AK6: variants seen among roughly 807,000 people sequenced by gnomAD.
AK6 encodes adenylate kinase 6, also known as adenylate kinase isoenzyme 6.
In AK6, 24 loss-of-function variants were observed where a neutral mutation model predicts 23.7. The observed-to-expected ratio is 1.01, with a 90% CI of 0.73 to 1.43. The LOEUF is 1.43. Among genes scored for constraint, AK6 ranks in the 40% most tolerant of loss-of-function variants. The pLI is 0.00. For synonymous variants in AK6, 73 were observed against 69.8 expected (o/e 1.05, Z -0.23); for missense variants, 191 against 199.1 (o/e 0.96, Z 0.24).
At chr5:69,360,199 T>G (rs56362385) in intron 2 of AK6, among the ~76,000 whole-genome samples, 1 of 152,128 alleles carries the variant, frequency 6.6e-6, no homozygotes, top group Non-Finnish European at 1.5e-5. Flanking sequence ...AATGATAGTG[T>G]AGAAGAGGGA....
In AK6 at chr5:69,366,698, G is replaced by C. The variant is rs374274204; in HGVS notation, c.29-103C>G. The C allele has an allele frequency of 1.6e-5, 13 of 820,274 alleles. No homozygotes were observed. In the East Asian group the frequency reaches 3.2e-4, roughly 20 times the overall value. 50.8% of individuals were successfully genotyped at this position (820,274 alleles called of 1,614,324 possible). On this transcript the variant is annotated intron_variant, in intron 1 of 4. Transcript: ENST00000380822. Reference sequence around the variant, plus strand: ...TTATTTTTGAGACAGAGTCTCACCTGGCCTCTGCCCTTAAAAGTTCTTGAC... The same window carrying C: ...TTATTTTTGAGACAGAGTCTCACCTCGCCTCTGCCCTTAAAAGTTCTTGAC...
At chr5:69,367,371 G>A (rs576218244) in intron 1 of AK6, among the ~76,000 whole-genome samples, 1 of 151,630 alleles carries the variant, frequency 6.6e-6, no homozygotes, top group African/African-American at 2.4e-5. Context: ...TTAGCCGGGC[G>A]TGGTGGCGCG....
intron 4 of AK6, among the ~76,000 whole-genome samples, chr5:69,353,370 T>G (rs980890966): frequency 1.2e-4 from 18 of 152,000 alleles, no homozygotes; most frequent in Non-Finnish European, 2.5e-4. Flanking sequence ...TGATCTCGGC[T>G]CACTGCAACC....
chr5:69,367,667 C>T (rs1762515836), intron 1 of AK6, among the ~76,000 whole-genome samples: 1 of 152,094 alleles, frequency 6.6e-6, no homozygotes, highest in Non-Finnish European at 1.5e-5. Context: ...ATCCTCCCAT[C>T]TCAGCCTGTC....
At chr5:69,359,832 G>A (rs1450780115) in intron 2 of AK6, among the ~76,000 whole-genome samples, 2 of 152,166 alleles carry the variant, frequency 1.3e-5, no homozygotes, top group East Asian at 3.8e-4. Flanking sequence ...GAAATTAACT[G>A]GTTTAGAGTG....
In AK6 at chr5:69,352,016, CAG is replaced by C. The variant is rs1218336627; in HGVS notation, c.*43_*44del. ...ACTTGAACAATTTCTATGATGTCGG[CAG>C]AGATATCAACAAGAGTGATTATTAA... On this transcript the variant is annotated 3_prime_UTR_variant, in exon 5 of 5. Coordinates refer to ENST00000380822, the MANE Select transcript of AK6 (RefSeq NM_016283.5). The C allele has an allele frequency of 6.7e-7, 1 of 1,499,778 alleles. No homozygotes were observed. The highest frequency in any genetic ancestry group is 1.2e-5 in the South Asian group (1 of 80,612). 92.9% of individuals were successfully genotyped at this position (1,499,778 alleles called of 1,614,324 possible).
In AK6 at chr5:69,352,004, C is replaced by A; in HGVS notation, c.*57G>T. ...AGTGTTACTGACACTTGAACAATTT[C>A]TATGATGTCGGCAGAGATATCAACA... On this transcript the variant is annotated 3_prime_UTR_variant, in exon 5 of 5. Transcript: ENST00000380822. 2 of 1,455,534 alleles carry A rather than the reference C, an allele frequency of 1.4e-6. No individual in the cohort carries two copies. The highest frequency in any genetic ancestry group is 1.4e-5 in the African/African-American group (1 of 71,050). 90.2% of individuals were successfully genotyped at this position (1,455,534 alleles called of 1,614,324 possible).
chr5:69,369,433 G>A (rs1762751762), intron 1 of AK6, 30 bp downstream of exon 1: 2 of 1,608,802 alleles, frequency 1.2e-6, no homozygotes, highest in African/African-American at 1.3e-5. Context: ...GCCTGCCCCA[G>A]CCCAGTCCCT....
intron 2 of AK6, chr5:69,365,742 T>C (rs747145817): frequency 1.2e-5 from 18 of 1,529,116 alleles, no homozygotes; most frequent in Non-Finnish European, 1.5e-5. Flanking sequence ...CTCCATGATA[T>C]CCGATGATCA....
chr5:69,361,437 AAT>A (rs1275602106), intron 2 of AK6, among the ~76,000 whole-genome samples: 1 of 150,530 alleles, frequency 6.6e-6, no homozygotes, highest in Non-Finnish European at 1.5e-5. Flanking sequence ...AAGACTCTTT[AAT>A]AGTTTTCTTT....
Position 69,351,912 on chromosome 5 carries a change from GA to G in AK6, c.*148del. 1 of 477,010 alleles carries G rather than the reference GA, an allele frequency of 2.1e-6. No individual in the cohort carries two copies. The highest frequency in any genetic ancestry group is 3.5e-6 in the Non-Finnish European group (1 of 287,894). 29.5% of individuals were successfully genotyped at this position (477,010 alleles called of 1,614,324 possible). ...ATTTCATGTTTAGCTTTCTCATGGA[GA>G]AAAAGAAACACAGGCATAAACCTAT... On this transcript the variant is annotated 3_prime_UTR_variant, in exon 5 of 5. Transcript: ENST00000380822.
chr5:69,365,148 G>A (rs1409958830), intron 2 of AK6: 1 of 1,614,212 alleles, frequency 6.2e-7, no homozygotes, highest in African/African-American at 1.3e-5. Context: ...TTTTACAGCT[G>A]GAGACTGAGA....
At position 69,355,728 on chromosome 5, in the gene AK6, A is replaced by G; in HGVS notation, c.247T>C (p.Phe83Leu). The G allele has an allele frequency of 6.2e-7, 1 of 1,614,012 alleles. No homozygotes were observed. Among genetic ancestry groups the G allele is most frequent in the Non-Finnish European group, 8.5e-7 (1 of 1,179,946 alleles). ...ATATGAAACCAGCGTTCAGGGAAGA[A>G]ATCACAACCATGGTAATCAACAATA... is the stretch of plus-strand genomic sequence containing the variant. ...GVIVDYHGCD[F>L]FPERWFHIVF... Residue 83 changes from phenylalanine to leucine, a missense_variant, in exon 4 of 5, where the codon TTC becomes CTC. By Grantham distance (22) the Phe-to-Leu change is conservative. Coordinates refer to ENST00000380822, the MANE Select transcript of AK6 (RefSeq NM_016283.5).
chr5:69,364,806 T>G, intron 2 of AK6: 1 of 807,804 alleles, frequency 1.2e-6, no homozygotes, highest in Non-Finnish European at 2.0e-6. Flanking sequence ...TTCATTTCAA[T>G]TGAAAAGTAT....
chr5:69,351,485 T>C lies in AK6; in HGVS notation c.*576A>G, dbSNP rs1761948421. 1 of 152,252 alleles carries C rather than the reference T, an allele frequency of 6.6e-6. No individual in the cohort carries two copies. Among genetic ancestry groups the C allele is most frequent in the Non-Finnish European group, 1.5e-5 (1 of 68,072 alleles). The allele number at this position is 152,252 out of a possible 1,614,324, so 9.4% of individuals were successfully genotyped here. ...GAATAGTGTGCATAATATACTGTTA[T>C]ATTCTTTAAAAAATGTACACATGTA... is the stretch of plus-strand genomic sequence containing the variant. On this transcript the variant is annotated 3_prime_UTR_variant, in exon 5 of 5. Transcript: ENST00000380822.
chr5:69,364,613 T>G (rs1762339027), intron 2 of AK6: 1 of 390,374 alleles, frequency 2.6e-6, no homozygotes, highest in Admixed American at 4.2e-5. Flanking sequence ...TGAAGACGTT[T>G]AAGGTGACAC....
At position 69,351,386 on chromosome 5, in the gene AK6, A is replaced by T. The variant is rs952224776; in HGVS notation, c.*675T>A. The T allele has an allele frequency of 5.9e-5, 9 of 151,986 alleles. No homozygotes were observed. The highest frequency in any genetic ancestry group is 1.2e-4 in the Non-Finnish European group (8 of 67,978). The allele number at this position is 151,986 out of a possible 1,614,324, so 9.4% of individuals were successfully genotyped here. ...TATGATATGTATATCTATCTCAACT[A>T]AAAAAAAGAACAGGGAGGTCTGTAC... On this transcript the variant is annotated 3_prime_UTR_variant, in exon 5 of 5. Transcript: ENST00000380822.
At chr5:69,364,114 A>C (rs1345679994) in intron 2 of AK6, among the ~76,000 whole-genome samples, 1 of 152,022 alleles carries the variant, frequency 6.6e-6, no homozygotes, top group East Asian at 1.9e-4. Flanking sequence ...TGAAATGGAA[A>C]ATGAGTAGTT....
At chr5:69,368,118 C>G (rs938535652) in intron 1 of AK6, among the ~76,000 whole-genome samples, 4 of 152,206 alleles carry the variant, frequency 2.6e-5, no homozygotes, top group African/African-American at 4.8e-5. Flanking sequence ...AAACCAGTTT[C>G]CTTTCCCAAA....
Sources: gnomAD v4.1 joint callset for allele counts (sites outside exome capture counted in the v4.1 genomes callset) on GRCh38, gnomAD v4.1.1 for gene constraint, MANE v1.5 for transcripts, NCBI Gene and HGNC (gene_info 2026-07-23, HGNC 2026-07-21) for gene names.